Variants in SHTN1 observed in about 807,000 individuals in gnomAD.
The protein encoded by SHTN1 is shootin 1.
A neutral mutation model predicts 83.1 loss-of-function variants in SHTN1; 42 were observed. The ratio of observed to expected loss-of-function variants is 0.51; its 90% CI spans 0.39 to 0.65. The LOEUF (loss-of-function observed/expected upper bound fraction) is 0.65, where lower values mean the gene tolerates loss of function less well. Among genes scored for constraint, SHTN1 ranks in the 30% least tolerant of loss-of-function variants. SHTN1 has a pLI of 0.00. For missense variants in SHTN1, 622 were observed against 737.8 expected, an observed-to-expected ratio of 0.84 and a Z score of 1.82; for synonymous variants, 224 against 247.7, an observed-to-expected ratio of 0.90 and a Z score of 0.90.
intron 11 of SHTN1, among the ~76,000 whole-genome samples, chr10:116,924,355 G>A (rs948336373): frequency 6.6e-6 from 1 of 151,958 alleles, no homozygotes; most frequent in African/African-American, 2.4e-5. Flanking sequence ...GTACATTATT[G>A]TACATAAAGA....
intron 2 of SHTN1, among the ~76,000 whole-genome samples, chr10:117,014,240 A>C (rs1205899444): frequency 6.6e-6 from 1 of 152,206 alleles, no homozygotes; most frequent in East Asian, 1.9e-4. Context: ...GACTCAATGC[A>C]CTTGTCAAAA....
At position 116,886,693 on chromosome 10, in the gene SHTN1, G is replaced by A. The variant is rs895547745; in HGVS notation, c.1674-127C>T. The A allele has an allele frequency of 9.5e-6, 12 of 1,267,772 alleles. No individual in the cohort carries two copies. The East Asian group carries it at 2.8e-4, about 30-fold the overall frequency. The allele number at this position is 1,267,772 out of a possible 1,614,324, so 78.5% of individuals were successfully genotyped here. A position where few individuals can be genotyped will look rare whatever the true frequency, so the allele number is the denominator to read the frequency against. On this transcript the variant is annotated intron_variant, in intron 16 of 16. Coordinates refer to ENST00000355371, the MANE Select transcript of SHTN1 (RefSeq NM_001127211.3). Reference sequence around the variant, plus strand: ...AAGTCTAATCAACATGCATATAGTAGTCTTTGAGATGCCAGCCATTTAAAA... The same window carrying A: ...AAGTCTAATCAACATGCATATAGTAATCTTTGAGATGCCAGCCATTTAAAA...
In SHTN1 at chr10:116,939,035, CA is replaced by C. The variant is rs555833883; in HGVS notation, c.858+1430del. Among the ~76,000 whole-genome samples, 111 of 152,328 alleles carry C rather than the reference CA, an allele frequency of 7.3e-4. 2 individuals are homozygous for C. The South Asian group carries it at 0.022, about 30-fold the overall frequency. Reference sequence around the variant, plus strand: ...TGCCCCCCACCAAGCTCGAGTGTCCCAGGTTGACCTCAGACTGCTGTGCTGG... The same window carrying C: ...TGCCCCCCACCAAGCTCGAGTGTCCCGGTTGACCTCAGACTGCTGTGCTGG... On this transcript the variant is annotated intron_variant, in intron 9 of 16. Coordinates refer to ENST00000355371, the MANE Select transcript of SHTN1 (RefSeq NM_001127211.3).
intron 1 of SHTN1, among the ~76,000 whole-genome samples, chr10:117,108,210 T>C (rs1853699825): frequency 6.6e-6 from 1 of 152,162 alleles, no homozygotes; most frequent in African/African-American, 2.4e-5. Flanking sequence ...TTACTGGGTA[T>C]ACACCCAAAG....
Position 116,920,915 on chromosome 10 carries a change from CA to C in SHTN1, c.1195+518del, listed in dbSNP as rs1167389385. ...AGGCACAACTACTCAGCTTGAACAT[CA>C]TTTTCAGACACCAGCAGTCCACTTC... On this transcript the variant is annotated intron_variant, in intron 12 of 16. Coordinates refer to ENST00000355371, the MANE Select transcript of SHTN1 (RefSeq NM_001127211.3). 3.9e-5 allele frequency among the ~76,000 whole-genome samples: 6 copies of C among 152,190 alleles called. No individual in the cohort carries two copies. The East Asian group carries it at 1.2e-3, about 29-fold the overall frequency.
chr10:117,021,529 A>G (rs1054294738), intron 2 of SHTN1, among the ~76,000 whole-genome samples: 5 of 152,242 alleles, frequency 3.3e-5, no homozygotes, highest in African/African-American at 1.2e-4. Flanking sequence ...AAATTCATTC[A>G]TAAAACTATA....
chr10:116,911,423 G>C (rs1042213982), intron 14 of SHTN1: 4 of 1,525,518 alleles, frequency 2.6e-6, no homozygotes, highest in Non-Finnish European at 3.5e-6. Flanking sequence ...CTCCTTTTAG[G>C]CTTCAAAGTA....
At chr10:116,992,100 C>T (rs1851457507) in intron 1 of SHTN1, among the ~76,000 whole-genome samples, 1 of 151,700 alleles carries the variant, frequency 6.6e-6, no homozygotes. Context: ...CATGATCATG[C>T]CACTGCACTC....
intron 2 of SHTN1, among the ~76,000 whole-genome samples, chr10:117,032,102 T>C (rs938570656): frequency 6.6e-6 from 1 of 152,164 alleles, no homozygotes; most frequent in African/African-American, 2.4e-5. Context: ...GAAGTAGCTA[T>C]ACTTACATCA....
chr10:117,096,085 CCT>C (rs1361942225), intron 1 of SHTN1, among the ~76,000 whole-genome samples: 2 of 152,194 alleles, frequency 1.3e-5, no homozygotes, highest in African/African-American at 2.4e-5. Context: ...GGTCACAAAA[CCT>C]CTGTGTTTTA....
chr10:117,084,080 G>T (rs1853312373), intron 1 of SHTN1, among the ~76,000 whole-genome samples: 1 of 152,186 alleles, frequency 6.6e-6, no homozygotes, highest in African/African-American at 2.4e-5. Flanking sequence ...TTGTTCCGTT[G>T]CTGGTGAGGA....
intron 1 of SHTN1, 83 bp from the exon 2 acceptor site, chr10:116,979,391 A>C: frequency 9.3e-7 from 1 of 1,072,286 alleles, no homozygotes; most frequent in East Asian, 2.4e-5. Flanking sequence ...TAACCCCCAT[A>C]GTCTTCTTAC....
At chr10:117,016,465 G>C (rs1378117435) in intron 2 of SHTN1, among the ~76,000 whole-genome samples, 4 of 152,208 alleles carry the variant, frequency 2.6e-5, no homozygotes, top group Non-Finnish European at 4.4e-5. Context: ...GGAGTGCAGT[G>C]GTGCAATCTC....
At chr10:117,013,218 A>C (rs1351039344) in intron 2 of SHTN1, among the ~76,000 whole-genome samples, 1 of 152,218 alleles carries the variant, frequency 6.6e-6, no homozygotes, top group Non-Finnish European at 1.5e-5. Flanking sequence ...TCTGTGTCCC[A>C]GGCTGGAGTG....
intron 16 of SHTN1, among the ~76,000 whole-genome samples, chr10:116,891,519 G>T (rs762227488): frequency 6.6e-6 from 1 of 152,160 alleles, no homozygotes; most frequent in Non-Finnish European, 1.5e-5. Flanking sequence ...AAAACAGAAA[G>T]ATTTAAATTT....
chr10:116,960,926 A>AT (rs1435613929), intron 3 of SHTN1, among the ~76,000 whole-genome samples: 1 of 152,154 alleles, frequency 6.6e-6, no homozygotes, highest in Non-Finnish European at 1.5e-5. Flanking sequence ...GAAAAATTGT[A>AT]TTTTTTAGAT....
rs1397885181 is a variant in SHTN1 at position 117,039,509 on chromosome 10, T to C, written c.-123+8936A>G. ...GGTGATAATGATATATACCCAACAA[T>C]GTAGGTTCATTAATTGTAATAAATG... On this transcript the variant is annotated intron_variant, in intron 2 of 17. Coordinates refer to the SHTN1 transcript ENST00000392901. Among the ~76,000 whole-genome samples, 9 of 152,234 alleles carry C rather than the reference T, an allele frequency of 5.9e-5. 1 individual carries two copies. Among genetic ancestry groups the C allele is most frequent in the Admixed American group, 3.3e-4 (5 of 15,280 alleles).
chr10:116,950,179 T>C (rs2133418036), intron 6 of SHTN1, among the ~76,000 whole-genome samples: 1 of 152,234 alleles, frequency 6.6e-6, no homozygotes, highest in African/African-American at 2.4e-5. Flanking sequence ...AAATAATTTT[T>C]TTAGAGACAG....
Position 117,076,160 on chromosome 10 carries a change from G to A in SHTN1, c.-188-27650C>T, listed in dbSNP as rs572913958. Among the ~76,000 whole-genome samples, 6 of 144,316 alleles carry A rather than the reference G, an allele frequency of 4.2e-5. No homozygotes were observed. The South Asian group carries it at 6.7e-4, about 16-fold the overall frequency. 94.7% of individuals were successfully genotyped at this position (144,316 alleles called of 152,430 possible). ...ATTGTTCCACTGCACTCCAGCCTGC[G>A]CGACAAAGCAAGACCCTGTCTCAAA... On this transcript the variant is annotated intron_variant, in intron 1 of 17. Coordinates refer to the SHTN1 transcript ENST00000392901.
Sources: allele counts gnomAD v4.1 joint callset (sites outside exome capture counted in the v4.1 genomes callset), GRCh38; gene constraint gnomAD v4.1.1; transcripts MANE v1.5; gene names NCBI Gene and HGNC (gene_info 2026-07-23, HGNC 2026-07-21).